Variants in RECQL4 observed in about 807,000 individuals in gnomAD.
RECQL4 encodes RecQ like helicase 4, also known as ATP-dependent DNA helicase Q4.
A neutral mutation model predicts 128.6 loss-of-function variants in RECQL4; 158 were observed. That is an observed-to-expected ratio of 1.23 (90% CI 1.08 to 1.40). The LOEUF (loss-of-function observed/expected upper bound fraction) is 1.40. Among genes scored for constraint, RECQL4 ranks in the 40% most tolerant of loss-of-function variants. The pLI is 0.00. For missense variants in RECQL4, 2,293 were observed against 1,649.8 expected (o/e 1.39, Z -6.75); for synonymous variants, 996 against 678.9 (o/e 1.47, Z -7.26).
At position 144,511,489 on chromosome 8, in the gene RECQL4, A is replaced by G. The variant is rs752487649; in HGVS notation, c.3569T>C (p.Leu1190Pro). 3.1e-6 allele frequency: 5 copies of G among 1,612,474 alleles called. No homozygotes were observed. Among genetic ancestry groups the G allele is most frequent in the East Asian group, 2.2e-5 (1 of 44,898 alleles). Reference protein sequence around the residue: ...DRRFWRKYLHLSFHALVGLAT... With the variant: ...DRRFWRKYLHPSFHALVGLAT... ...CAGGCCCACCAGGGCATGGAAGCTC[A>G]GGTGCAGGTATTTTCTCCAGAAGCG... Residue 1190 changes from leucine (L) to proline (P), a missense_variant, in exon 21 of 21, where the codon CTG becomes CCG. Physicochemically the swap from Leu to Pro is moderately conservative, Grantham distance 98. Transcript: ENST00000617875.
In RECQL4 at chr8:144,513,579, C is replaced by G. The variant is rs762080821; in HGVS notation, c.2192G>C (p.Gly731Ala). 5 of 1,610,546 alleles carry G rather than the reference C, an allele frequency of 3.1e-6. No individual in the cohort carries two copies. Among genetic ancestry groups the G allele is most frequent in the Non-Finnish European group, 4.2e-6 (5 of 1,179,098 alleles). Reference sequence around the variant, plus strand: ...CTCTGTCCATGCCGCACCTCCAGACCCTGGGACCCAGGCTGCGTGCAGGCA... The same window carrying G: ...CTCTGTCCATGCCGCACCTCCAGACGCTGGGACCCAGGCTGCGTGCAGGCA... ...RTCLHAAWVP[G>A]SGGRAPKTTA... The change falls in exon 13 of 21, where the codon GGG becomes GCG. Residue 731 changes from glycine to alanine, a missense_variant. Transcript: ENST00000617875.
In RECQL4 at chr8:144,517,036, T is replaced by TG; in HGVS notation, c.354+13dup. 1 of 1,604,268 alleles carries TG rather than the reference T, an allele frequency of 6.2e-7. No homozygotes were observed. Among genetic ancestry groups the TG allele is most frequent in the Non-Finnish European group, 8.5e-7 (1 of 1,173,270 alleles). On this transcript the variant is annotated intron_variant, in intron 4 of 20. Coordinates refer to ENST00000617875, the MANE Select transcript of RECQL4 (RefSeq NM_004260.4). ...GTGGACCTAGCGTGGACTCACTGCC[T>TG]GCCCACTCCTCACCTGCAGGGTGCC...
Position 144,516,695 on chromosome 8 carries a change from G to A in RECQL4, c.424C>T (p.Pro142Ser), listed in dbSNP as rs781248589. The part of the protein sequence containing the change: ...RASSKASTPK[P>S]PGTGPVPSFA... ...GAGGGGACAGGCCCTGTACCTGGGGGCTTTGGGGTGGATGCCTTAGATGAG... is the reference window on the plus strand; with the variant it reads ...GAGGGGACAGGCCCTGTACCTGGGGACTTTGGGGTGGATGCCTTAGATGAG... Residue 142 changes from proline (P) to serine (S), a missense_variant, in exon 5 of 21, where the codon CCC becomes TCC. Coordinates refer to ENST00000617875, the MANE Select transcript of RECQL4 (RefSeq NM_004260.4). The A allele has an allele frequency of 3.2e-6, 5 of 1,560,028 alleles. No individual in the cohort carries two copies. The highest frequency in any genetic ancestry group is 1.9e-5 in the Admixed American group (1 of 52,846).
In RECQL4 at chr8:144,511,300, G is replaced by T; in HGVS notation, c.*131C>A. 6.5e-7 allele frequency: 1 copy of T among 1,541,938 alleles called. No homozygotes were observed. The highest frequency in any genetic ancestry group is 1.2e-5 in the South Asian group (1 of 81,530). The stretch of plus-strand genomic sequence containing the variant: ...CCAAGAGGGCCCATAAAAACAAAGT[G>T]AGCATTTTTTATTCTGCATTTTGGA... On this transcript the variant is annotated 3_prime_UTR_variant, in exon 21 of 21. Coordinates refer to ENST00000617875, the MANE Select transcript of RECQL4 (RefSeq NM_004260.4).
chr8:144,511,851 G>A (rs1827270173), intron 19 of RECQL4, 60 bp downstream of exon 19: 5 of 1,609,688 alleles, frequency 3.1e-6, no homozygotes, highest in Non-Finnish European at 2.5e-6. Context: ...CACAGAGCAA[G>A]CCCCATGCAG....
rs763278718 is a variant in RECQL4, at chr8:144,514,962, G to C, written c.1594C>G (p.Pro532Ala). 6.2e-7 allele frequency: 1 copy of C among 1,611,848 alleles called. No individual in the cohort carries two copies. The highest frequency in any genetic ancestry group is 1.1e-5 in the South Asian group (1 of 90,962). Reference sequence around the variant, plus strand: ...TGGTCATCCATGAGTGACAGCAGGGGAGAGACGACCAACGTGAGGCAGGGG... The same window carrying C: ...TGGTCATCCATGAGTGACAGCAGGGCAGAGACGACCAACGTGAGGCAGGGG... ...RSPCLTLVVS[P>A]LLSLMDDQVS... Residue 532 changes from proline to alanine, a missense_variant, in exon 9 of 21, where the codon CCC becomes GCC. Physicochemically the swap from Pro to Ala is conservative, Grantham distance 27. Transcript: ENST00000617875.
At position 144,513,211 on chromosome 8, in the gene RECQL4, T is replaced by C. The variant is rs767159855; in HGVS notation, c.2463+7A>G. 3.0e-6 allele frequency: 3 copies of C among 985,312 alleles called. No homozygotes were observed. The highest frequency in any genetic ancestry group is 3.1e-5 in the East Asian group (1 of 31,948). 61.0% of individuals were successfully genotyped at this position (985,312 alleles called of 1,614,324 possible). ...GCACTGGCAGTGTGGGGGGGGGGGG[T>C]GCCAACCTGGGGCTGCAGGAAGAGG... is the stretch of plus-strand genomic sequence containing the variant. On this transcript the variant is annotated splice_region_variant and intron_variant, in intron 14 of 20. Transcript: ENST00000617875.
At position 144,513,802 on chromosome 8, in the gene RECQL4, AGGAGGG is replaced by A. The variant is rs1827726749; in HGVS notation, c.2059-96_2059-91del. ...TGAGGAGGGGTCGGCGTGGGGAGTG[AGGAGGG>A]GTCGGCGTGGGCGGTGGGGAGTGAG... On this transcript the variant is annotated intron_variant, in intron 12 of 20. Coordinates refer to ENST00000617875, the MANE Select transcript of RECQL4 (RefSeq NM_004260.4). 5 of 1,014,216 alleles carry A rather than the reference AGGAGGG, an allele frequency of 4.9e-6. No homozygotes were observed. In the African/African-American group the frequency reaches 6.6e-5, roughly 13 times the overall value. 62.8% of individuals were successfully genotyped at this position (1,014,216 alleles called of 1,614,324 possible).
rs1489838661 is a variant in RECQL4, at chr8:144,515,823, T to G, written c.1199A>C (p.Lys400Thr). 6 of 1,612,792 alleles carry G rather than the reference T, an allele frequency of 3.7e-6. No homozygotes were observed. The African/African-American group carries it at 8.0e-5, about 22-fold the overall frequency. Residue 400 changes from lysine to threonine, a missense_variant, in exon 6 of 21, where the codon AAG becomes ACG. Coordinates refer to ENST00000617875, the MANE Select transcript of RECQL4 (RefSeq NM_004260.4). ...FGGGGATVTTKESCFLNEQFD... is the reference protein window; with the variant it reads ...FGGGGATVTTTESCFLNEQFD... The stretch of plus-strand genomic sequence containing the variant: ...CTGCTCGTTCAGGAAACAAGACTCC[T>G]TGGTTGTGACTGTGGCACCACCACC...
Position 144,513,388 on chromosome 8 carries a change from A to G in RECQL4, c.2293T>C (p.Leu765=), listed in dbSNP as rs2130679305. 2 of 1,608,164 alleles carry G rather than the reference A, an allele frequency of 1.2e-6. No homozygotes were observed. Among genetic ancestry groups the G allele is most frequent in the Non-Finnish European group, 1.7e-6 (2 of 1,179,704 alleles). ...GCCACCGTGGCCACCACCACCCGCA[A>G]CTGGCCCTGCATGAAGGCTCGCTGT... The part of the protein sequence containing the change: ...RVQRAFMQGQ[L]RVVVATVAFG... The change falls in exon 14 of 21, where the codon TTG becomes CTG. Residue 765 remains leucine (L), a synonymous_variant. Transcript: ENST00000617875.
chr8:144,517,491 G>T lies in RECQL4; in HGVS notation c.136C>A (p.Arg46Ser), dbSNP rs1268307700. The change falls in exon 3 of 21, where the codon CGC (arginine) becomes AGC (serine). Residue 46 changes from arginine to serine, a missense_variant. Coordinates refer to ENST00000617875, the MANE Select transcript of RECQL4 (RefSeq NM_004260.4). The stretch of plus-strand genomic sequence containing the variant: ...TGGCCCGTGGTACGCTTCAGAGTGC[G>T]GTATTCCCGGTAGAGCGCTGCGTGG... ...EETRALYREY[R>S]TLKRTTGQAG... 3 of 1,596,654 alleles carry T rather than the reference G, an allele frequency of 1.9e-6. No individual in the cohort carries two copies. The highest frequency in any genetic ancestry group is 1.7e-5 in the Admixed American group (1 of 58,984).
At position 144,516,073 on chromosome 8, in the gene RECQL4, T is replaced by C. The variant is rs566907631; in HGVS notation, c.1046A>G (p.Asp349Gly). The C allele has an allele frequency of 8.1e-6, 13 of 1,612,680 alleles. No homozygotes were observed. Among genetic ancestry groups the C allele is most frequent in the Non-Finnish European group, 1.1e-5 (13 of 1,179,864 alleles). The change falls in exon 5 of 21, where the codon GAC becomes GGC. Residue 349 changes from aspartate (D) to glycine (G), a missense_variant. Coordinates refer to ENST00000617875, the MANE Select transcript of RECQL4 (RefSeq NM_004260.4). ...LHIFPRLARHDRGNYVRLNMK... is the reference protein window; with the variant it reads ...LHIFPRLARHGRGNYVRLNMK... ...GTTGAGCCGTACGTAATTGCCCCTG[T>C]CATGGCGGGCCAGCCGAGGGAAGAT...
Position 144,513,997 on chromosome 8 carries a change from G to A in RECQL4, c.1989C>T (p.Asp663=), listed in dbSNP as rs1173181962. The A allele has an allele frequency of 1.3e-6, 2 of 1,568,272 alleles. No homozygotes were observed. Among genetic ancestry groups the A allele is most frequent in the Non-Finnish European group, 1.7e-6 (2 of 1,157,498 alleles). The change falls in exon 12 of 21, where the codon GAC becomes GAT. Residue 663 remains aspartate, a synonymous_variant. Coordinates refer to ENST00000617875, the MANE Select transcript of RECQL4 (RefSeq NM_004260.4). The part of the protein sequence containing the change: ...AQHLAVAEEP[D]LHGPAPVPTN... ...TGGGAACTGGGGCTGGCCCGTGGAG[G>A]TCAGGCTCTTCAGCCACAGCCAGGT...
intron 6 of RECQL4, 75 bp from the exon 7 acceptor site, chr8:144,515,532 C>G: frequency 1.9e-6 from 3 of 1,600,348 alleles, no homozygotes; most frequent in South Asian, 2.2e-5. Flanking sequence ...CCTCTCCTTC[C>G]CCCAAAGGGG....
intron 10 of RECQL4, 32 bp downstream of exon 10, chr8:144,514,410 C>T (rs1393331984): frequency 1.2e-6 from 2 of 1,602,908 alleles, no homozygotes; most frequent in Non-Finnish European, 1.7e-6. Flanking sequence ...CGCCCGCTGC[C>T]TCCCTCACCC....
At chr8:144,517,236 G>C in intron 3 of RECQL4, 46 bp from the exon 4 acceptor site, 1 of 1,545,678 alleles carries the variant, frequency 6.5e-7, no homozygotes, top group South Asian at 1.2e-5. Context: ...CTGTTGTGGC[G>C]GCAGAAGCGC....
rs762488692 is a variant in RECQL4 at position 144,513,069 on chromosome 8, G to A, written c.2533C>T (p.Leu845=). 10 of 1,579,440 alleles carry A rather than the reference G, an allele frequency of 6.3e-6. No homozygotes were observed. The highest frequency in any genetic ancestry group is 4.6e-5 in the East Asian group (2 of 43,508). The part of the protein sequence containing the change: ...DSTDFLAVKR[L]VQRVFPACTC... The stretch of plus-strand genomic sequence containing the variant: ...CAGGCTGGGAACACGCGCTGTACCA[G>A]CCTCTTCACAGCCAGGAAGTCCGTG... Residue 845 remains leucine, a synonymous_variant, in exon 15 of 21, where the codon CTG becomes TTG. Transcript: ENST00000617875.
chr8:144,516,477 T>G lies in RECQL4; in HGVS notation c.642A>C (p.Ser214=). The change falls in exon 5 of 21, where the codon TCA becomes TCC. Residue 214 remains serine, a synonymous_variant. Coordinates refer to ENST00000617875, the MANE Select transcript of RECQL4 (RefSeq NM_004260.4). ...CAGGGATCAGAAGTTGTGATTCCTCTGAGCCTAGATCAGGCCTGCAGGCTT... is the reference window on the plus strand; with the variant it reads ...CAGGGATCAGAAGTTGTGATTCCTCGGAGCCTAGATCAGGCCTGCAGGCTT... ...APKACRPDLG[S]EESQLLIPGE... The G allele has an allele frequency of 6.2e-7, 1 of 1,608,626 alleles. No homozygotes were observed. Among genetic ancestry groups the G allele is most frequent in the Non-Finnish European group, 8.5e-7 (1 of 1,179,710 alleles).
At position 144,512,464 on chromosome 8, in the gene RECQL4, A is replaced by T. The variant is rs373202723; in HGVS notation, c.2983T>A (p.Ser995Thr). ...ACAGAGGCCAGCTCCCAGCCCATGG[A>T]GTCCACCAGCTTGACCATGTCAAAC... ...VEFDMVKLVD[S>T]MGWELASVRR... The change falls in exon 17 of 21, where the codon TCC becomes ACC. Residue 995 changes from serine to threonine, a missense_variant. Physicochemically the swap from Ser to Thr is moderately conservative, Grantham distance 58. Coordinates refer to ENST00000617875, the MANE Select transcript of RECQL4 (RefSeq NM_004260.4). The T allele has an allele frequency of 8.1e-6, 13 of 1,612,054 alleles. No homozygotes were observed. The highest frequency in any genetic ancestry group is 1.1e-5 in the Non-Finnish European group (13 of 1,179,644).
Sources: allele counts gnomAD v4.1 joint callset, GRCh38; gene constraint gnomAD v4.1.1; transcripts MANE v1.5; gene names NCBI Gene and HGNC (gene_info 2026-07-23, HGNC 2026-07-21).